The following TENM1 variants were observed in gnomAD, a reference collection of about 807,000 sequenced individuals.
The protein encoded by TENM1 is teneurin-1.
TENM1 carries 35 observed loss-of-function variants against 174.8 expected under a neutral mutation model. The ratio of observed to expected loss-of-function variants is 0.20; its 90% CI spans 0.15 to 0.27. TENM1 has a LOEUF of 0.27. TENM1 is among the 10% of genes least tolerant of loss of function. The pLI, the probability that TENM1 is intolerant of heterozygous loss-of-function variation, is 1.00. For missense variants in TENM1, 1,633 were observed against 2,130.1 expected, an observed-to-expected ratio of 0.77 and a Z score of 4.59; for synonymous variants, 781 against 798.7, an observed-to-expected ratio of 0.98 and a Z score of 0.37.
At chrX:124,544,231 T>G (rs1280283339) in intron 15 of TENM1, among the ~76,000 whole-genome samples, 1 of 112,592 alleles carries the variant, frequency 8.9e-6, no homozygotes, top group Non-Finnish European at 1.9e-5. Context: ...CATAAGTATT[T>G]CACATTCAGC....
chrX:124,828,803 C>CAAGA (rs959846458), intron 3 of TENM1, among the ~76,000 whole-genome samples: 5 of 111,475 alleles, frequency 4.5e-5, no homozygotes, highest in African/African-American at 9.8e-5. Flanking sequence ...CAGCTAAACA[C>CAAGA]AAGAAAGAAA....
At chrX:125,130,131 G>C in the TENM1 span, among the ~76,000 whole-genome samples, 1 of 111,236 alleles carries the variant, frequency 9.0e-6, no homozygotes, top group South Asian at 3.7e-4. Flanking sequence ...TGTGTTTATA[G>C]ATAAGGAAAT....
At chrX:125,170,483 C>T in the TENM1 span, among the ~76,000 whole-genome samples, 5 of 111,283 alleles carry the variant, frequency 4.5e-5, no homozygotes, top group African/African-American at 1.6e-4. Flanking sequence ...GGTTTCCTCC[C>T]CTATTTTAAT....
the TENM1 span, among the ~76,000 whole-genome samples, chrX:125,065,059 C>T: frequency 8.9e-6 from 1 of 112,203 alleles, no homozygotes; most frequent in African/African-American, 3.2e-5. Context: ...TGAAGCATTT[C>T]TTCAAAGAAT....
intron 15 of TENM1, among the ~76,000 whole-genome samples, chrX:124,531,468 C>T (rs1288841991): frequency 8.9e-6 from 1 of 111,853 alleles, no homozygotes; most frequent in East Asian, 2.8e-4. Flanking sequence ...ATAAGTTATG[C>T]TAATAGGATT....
At chrX:124,861,473 T>C (rs1213586909) in intron 3 of TENM1, among the ~76,000 whole-genome samples, 1 of 111,914 alleles carries the variant, frequency 8.9e-6, no homozygotes, top group African/African-American at 3.2e-5. Context: ...GATTCAGGAT[T>C]AGTAAAATCT....
intron 11 of TENM1, among the ~76,000 whole-genome samples, chrX:124,611,754 T>A (rs1399403306): frequency 8.9e-6 from 1 of 111,857 alleles, no homozygotes; most frequent in Non-Finnish European, 1.9e-5. Context: ...ATACAGAAAA[T>A]CTTCAAGAAT....
chrX:124,705,222 G>A (rs1414050415), exon 5 of TENM1: 1 of 1,200,743 alleles, frequency 8.3e-7, no homozygotes, highest in Non-Finnish European at 1.1e-6. Context: ...GATCGCAGAG[G>A]AACCAGATCC....
At chrX:124,980,183 C>A in the TENM1 span, among the ~76,000 whole-genome samples, 1 of 110,079 alleles carries the variant, frequency 9.1e-6, no homozygotes, top group African/African-American at 3.3e-5. Flanking sequence ...ACCAGCCTGG[C>A]CAAGATAGCA....
At chrX:124,895,876 G>T in intron 2 of TENM1, 105 bp downstream of exon 5, 1 of 973,565 alleles carries the variant, frequency 1.0e-6, no homozygotes, top group Non-Finnish European at 1.4e-6. Context: ...TTTCCATTCT[G>T]CATATTAAAT....
chrX:124,483,553 T>A (rs1187840774), intron 21 of TENM1, among the ~76,000 whole-genome samples: 1 of 112,608 alleles, frequency 8.9e-6, no homozygotes, highest in African/African-American at 3.2e-5. Flanking sequence ...TGTTTTCCAG[T>A]CTGCTCACTT....
chrX:124,927,657 C>T (rs1320028821), intron 1 of TENM1, among the ~76,000 whole-genome samples: 3 of 111,305 alleles, frequency 2.7e-5, no homozygotes, highest in East Asian at 2.8e-4. Context: ...TAGAATCCCC[C>T]GAGGAGCTCT....
the TENM1 span, among the ~76,000 whole-genome samples, chrX:125,143,627 T>C: frequency 8.9e-6 from 1 of 111,946 alleles, no homozygotes; most frequent in Non-Finnish European, 1.9e-5. Flanking sequence ...AACTATTCTC[T>C]ACATAAAGCA....
chrX:124,382,708 G>A lies in TENM1; in HGVS notation c.7402C>T (p.Arg2468Trp), dbSNP rs758360431. ...CACTCTTGAGTTTTTGTCTGAAGCC[G>A]TAGAAGCTCGTAAGTTAATTCTAAA... The change falls in exon 31 of 32, where the codon CGG (arginine) becomes TGG (tryptophan). Residue 2468 changes from arginine to tryptophan, a missense_variant. Physicochemically the swap from Arg to Trp is moderately radical, Grantham distance 101. Around this residue, in one of 4 missense-constraint regions of TENM1, gnomAD observed 807 missense variants for 1,125.3 expected, o/e 0.72. Transcript: ENST00000422452. 2.2e-5 allele frequency: 26 copies of A among 1,204,796 alleles called. No homozygotes were observed. The Middle Eastern group carries it at 6.9e-4, about 32-fold the overall frequency.
At chrX:124,652,298 C>T (rs754039767) in intron 7 of TENM1, among the ~76,000 whole-genome samples, 174 bp from the exon 11 acceptor site, 2 of 111,346 alleles carry the variant, frequency 1.8e-5, no homozygotes, top group Admixed American at 9.6e-5. Flanking sequence ...GTGGCTCATG[C>T]CTGTAATCCC....
the TENM1 span, among the ~76,000 whole-genome samples, chrX:125,201,688 G>A: frequency 1.8e-5 from 2 of 111,589 alleles, no homozygotes; most frequent in African/African-American, 6.5e-5. Context: ...TTAGAGCATG[G>A]ATTTATTTTA....
At chrX:124,565,986 A>C (rs1164035737) in intron 11 of TENM1, among the ~76,000 whole-genome samples, 1 of 112,021 alleles carries the variant, frequency 8.9e-6, no homozygotes, top group African/African-American at 3.2e-5. Context: ...ATGGCATTCA[A>C]GGCTTAGAAA....
At chrX:124,455,691 C>T (rs1351866406) in intron 22 of TENM1, among the ~76,000 whole-genome samples, 1 of 110,993 alleles carries the variant, frequency 9.0e-6, no homozygotes, top group Non-Finnish European at 1.9e-5. Context: ...CCATGCTAGG[C>T]TCTGTGAGGG....
At chrX:124,716,377 G>A (rs538773223) in intron 4 of TENM1, among the ~76,000 whole-genome samples, 76 of 112,133 alleles carry the variant, frequency 6.8e-4, no homozygotes, top group African/African-American at 2.2e-3. Context: ...GAAATGTAAA[G>A]TGTGAGCAAA....
Sources: allele counts gnomAD v4.1 joint callset (sites outside exome capture counted in the v4.1 genomes callset), GRCh38; gene constraint gnomAD v4.1.1; regional missense constraint gnomAD v4.1.1; transcripts MANE v1.5; gene names NCBI Gene and HGNC (gene_info 2026-07-23, HGNC 2026-07-21).